Variants in UNC5C observed in about 807,000 individuals in gnomAD.
The protein encoded by UNC5C is netrin receptor UNC5C.
A neutral mutation model predicts 99.8 loss-of-function variants in UNC5C; 47 were observed. That is an observed-to-expected ratio of 0.47 (90% confidence interval 0.37 to 0.60). The LOEUF is 0.60. Among genes scored for constraint, UNC5C ranks in the 20% least tolerant of loss-of-function variants. The pLI, the probability that UNC5C is intolerant of heterozygous loss-of-function variation, is 0.00. For synonymous variants in UNC5C, 487 were observed against 452.2 expected, an observed-to-expected ratio of 1.08 and a Z score of -0.98; for missense variants, 1,062 against 1,165.9, an observed-to-expected ratio of 0.91 and a Z score of 1.30.
chr4:95,518,509 C>T (rs1179962687), intron 1 of UNC5C, among the ~76,000 whole-genome samples: 2 of 152,070 alleles, frequency 1.3e-5, no homozygotes, highest in East Asian at 3.9e-4. Context: ...CATATTTATA[C>T]AGAAAACTAT....
In UNC5C at chr4:95,425,442, G is replaced by A. The variant is rs80317479; in HGVS notation, c.125-89811C>T. On this transcript the variant is annotated intron_variant, in intron 1 of 15. Transcript: ENST00000453304. ...GCTCCCGCCATTCTCCTGCTTCAGCGTCGCGAGTAACTGGGACTACAGGCG... is the reference window on the plus strand; with the variant it reads ...GCTCCCGCCATTCTCCTGCTTCAGCATCGCGAGTAACTGGGACTACAGGCG... 4.3e-3 allele frequency among the ~76,000 whole-genome samples: 656 copies of A among 152,272 alleles called. 19 individuals carry two copies. Among genetic ancestry groups the A allele is most frequent in the East Asian group, 0.038 (197 of 5,172 alleles).
At chr4:95,480,238 A>C (rs1182283356) in intron 1 of UNC5C, among the ~76,000 whole-genome samples, 2 of 151,768 alleles carry the variant, frequency 1.3e-5, no homozygotes, top group African/African-American at 4.8e-5. Context: ...TACATTCATA[A>C]TGTATATAAT....
intron 1 of UNC5C, among the ~76,000 whole-genome samples, chr4:95,377,245 C>T (rs982274561): frequency 3.9e-5 from 6 of 152,184 alleles, no homozygotes; most frequent in African/African-American, 1.4e-4. Context: ...CAGCCAATTA[C>T]TTCCCATCAA....
chr4:95,388,839 T>A (rs1259006970), intron 1 of UNC5C, among the ~76,000 whole-genome samples: 2 of 152,224 alleles, frequency 1.3e-5, no homozygotes, highest in African/African-American at 4.8e-5. Flanking sequence ...TCCAGAATCA[T>A]GCTTTTAATT....
chr4:95,502,248 A>G (rs527427631), intron 1 of UNC5C, among the ~76,000 whole-genome samples: 1 of 152,128 alleles, frequency 6.6e-6, no homozygotes, highest in Non-Finnish European at 1.5e-5. Context: ...TTTATTAGAA[A>G]TGTAACAGAA....
chr4:95,520,706 C>T (rs1722331013), intron 1 of UNC5C, among the ~76,000 whole-genome samples: 1 of 150,426 alleles, frequency 6.6e-6, no homozygotes, highest in Non-Finnish European at 1.5e-5. Context: ...TCACGCCATT[C>T]TCCTGCCTCA....
At chr4:95,196,873 GTAATATA>G (rs1343272107) in intron 12 of UNC5C, among the ~76,000 whole-genome samples, 1 of 5,864 alleles carries the variant, frequency 1.7e-4, no homozygotes. Flanking sequence ...TTATATTTAT[GTAATATA>G]TAATATATAT....
At chr4:95,491,397 A>G (rs1560482945) in intron 1 of UNC5C, among the ~76,000 whole-genome samples, 1 of 151,710 alleles carries the variant, frequency 6.6e-6, no homozygotes, top group Non-Finnish European at 1.5e-5. Flanking sequence ...GAGACTAAAC[A>G]AAAGTTATTT....
chr4:95,329,229 G>T (rs1170774115), intron 2 of UNC5C, among the ~76,000 whole-genome samples: 1 of 152,162 alleles, frequency 6.6e-6, no homozygotes, highest in Middle Eastern at 3.2e-3. Context: ...TTTGAAGCTT[G>T]CAGTGAGCTA....
chr4:95,299,575 G>T (rs914727483), intron 3 of UNC5C, among the ~76,000 whole-genome samples: 1 of 152,136 alleles, frequency 6.6e-6, no homozygotes, highest in African/African-American at 2.4e-5. Context: ...CCCCAGATTG[G>T]GTAATTTATA....
intron 1 of UNC5C, among the ~76,000 whole-genome samples, chr4:95,503,999 T>A (rs1238436237): frequency 6.6e-6 from 1 of 152,178 alleles, no homozygotes; most frequent in Non-Finnish European, 1.5e-5. Context: ...TTCAAATTTA[T>A]GTCATTAATC....
intron 1 of UNC5C, among the ~76,000 whole-genome samples, chr4:95,527,242 G>T (rs199571602): frequency 2.0e-5 from 3 of 152,024 alleles, no homozygotes; most frequent in Non-Finnish European, 2.9e-5. Context: ...CATCACACAC[G>T]TTAATAGTAT....
chr4:95,289,633 A>G (rs1456548938), intron 3 of UNC5C, among the ~76,000 whole-genome samples: 1 of 152,210 alleles, frequency 6.6e-6, no homozygotes, highest in Non-Finnish European at 1.5e-5. Flanking sequence ...TGGTCACTCA[A>G]AGTAATAATA....
At chr4:95,275,221 A>G (rs1458640765) in intron 4 of UNC5C, among the ~76,000 whole-genome samples, 1 of 152,130 alleles carries the variant, frequency 6.6e-6, no homozygotes, top group Non-Finnish European at 1.5e-5. Context: ...CATAGGAGAG[A>G]ATCTTGGTGA....
intron 2 of UNC5C, 135 bp from the exon 3 acceptor site, chr4:95,301,884 C>T: frequency 1.7e-6 from 2 of 1,150,702 alleles, no homozygotes; most frequent in Non-Finnish European, 2.4e-6. Flanking sequence ...TCTCTCATCT[C>T]TTTTGACTTT....
intron 12 of UNC5C, among the ~76,000 whole-genome samples, chr4:95,192,420 C>A (rs1199252113): frequency 1.6e-5 from 2 of 126,086 alleles, no homozygotes; most frequent in African/African-American, 6.2e-5. Context: ...CCCTTCTCAC[C>A]TCCTCCCCTG....
At chr4:95,300,222 AAGAC>A (rs1423091584) in intron 3 of UNC5C, among the ~76,000 whole-genome samples, 1 of 152,214 alleles carries the variant, frequency 6.6e-6, no homozygotes, top group Non-Finnish European at 1.5e-5. Context: ...CATGTTGCTT[AAGAC>A]AGACAGAATA....
chr4:95,257,575 A>T (rs1255329411), intron 4 of UNC5C, among the ~76,000 whole-genome samples: 4 of 152,224 alleles, frequency 2.6e-5, no homozygotes, highest in African/African-American at 9.6e-5. Context: ...TTAAGGACCC[A>T]TTTACGGAGC....
chr4:95,469,751 G>A (rs1342115207), intron 1 of UNC5C, among the ~76,000 whole-genome samples: 1 of 152,062 alleles, frequency 6.6e-6, no homozygotes, highest in Admixed American at 6.6e-5. Flanking sequence ...GGCACTTCAT[G>A]TAGGTCCCAT....
Sources: allele counts gnomAD v4.1 joint callset (sites outside exome capture counted in the v4.1 genomes callset), GRCh38; gene constraint gnomAD v4.1.1; transcripts MANE v1.5; gene names NCBI Gene and HGNC (gene_info 2026-07-23, HGNC 2026-07-21).